AGBL4: variants seen among roughly 807,000 people sequenced by gnomAD.
AGBL4 encodes cytosolic carboxypeptidase 6.
In AGBL4, 58 loss-of-function variants were observed where a neutral mutation model predicts 66.4. The observed-to-expected ratio is 0.87, with a 90% confidence interval of 0.71 to 1.09. The LOEUF is 1.09. AGBL4 is among the 50% of genes least tolerant of loss of function. The pLI is 0.00. For synonymous variants in AGBL4, 234 were observed against 222.9 expected, an observed-to-expected ratio of 1.05 and a Z score of -0.44; for missense variants, 579 against 631.0, an observed-to-expected ratio of 0.92 and a Z score of 0.88.
chr1:48,861,942 T>A (rs998580971), intron 6 of AGBL4, among the ~76,000 whole-genome samples: 1 of 152,200 alleles, frequency 6.6e-6, no homozygotes, highest in African/African-American at 2.4e-5. Flanking sequence ...CTCATTTCCC[T>A]GGTTTCCTAC....
intron 3 of AGBL4, among the ~76,000 whole-genome samples, chr1:49,319,938 AT>A (rs529561561): frequency 6.6e-6 from 1 of 151,696 alleles, no homozygotes; most frequent in African/African-American, 2.4e-5. Context: ...CTTTCTTTCT[AT>A]TTTTTTTAAG....
chr1:49,939,665 A>G (rs1047930887), intron 1 of AGBL4, among the ~76,000 whole-genome samples: 1 of 152,206 alleles, frequency 6.6e-6, no homozygotes, highest in Non-Finnish European at 1.5e-5. Context: ...GAAAGCTGAA[A>G]TTGGATCCCT....
intron 2 of AGBL4, among the ~76,000 whole-genome samples, chr1:49,761,131 G>GTTTT (rs559439979): frequency 7.3e-6 from 1 of 136,154 alleles, no homozygotes; most frequent in African/African-American, 2.7e-5. Flanking sequence ...CATGCATCCC[G>GTTTT]TTTTTTTTTT....
At chr1:49,162,192 C>G (rs1010537061) in intron 4 of AGBL4, among the ~76,000 whole-genome samples, 1 of 152,050 alleles carries the variant, frequency 6.6e-6, no homozygotes, top group African/African-American at 2.4e-5. Flanking sequence ...TCATAACATA[C>G]TATAATAATA....
chr1:48,965,352 G>A (rs75843987), intron 5 of AGBL4, among the ~76,000 whole-genome samples: 2,448 of 152,194 alleles, frequency 0.016, 63 homozygotes, highest in African/African-American at 0.053. Flanking sequence ...GAGGGATGAG[G>A]ATAAGCTTGA....
chr1:49,560,252 C>G (rs916388837), intron 3 of AGBL4, among the ~76,000 whole-genome samples: 2 of 152,002 alleles, frequency 1.3e-5, no homozygotes, highest in African/African-American at 2.4e-5. Context: ...ATCAGAATTT[C>G]ATCAGATAAA....
chr1:49,875,268 C>T (rs1202524456), intron 1 of AGBL4, among the ~76,000 whole-genome samples: 1 of 146,906 alleles, frequency 6.8e-6, no homozygotes, highest in African/African-American at 2.5e-5. Flanking sequence ...AACTCGTCAT[C>T]TAGCATTAGG....
At chr1:49,743,589 A>G (rs1324050936) in intron 2 of AGBL4, among the ~76,000 whole-genome samples, 2 of 152,152 alleles carry the variant, frequency 1.3e-5, no homozygotes, top group Non-Finnish European at 2.9e-5. Flanking sequence ...TGCCGCTATA[A>G]AGACACATGC....
intron 3 of AGBL4, among the ~76,000 whole-genome samples, chr1:49,322,045 A>C (rs993020221): frequency 1.3e-5 from 2 of 152,238 alleles, no homozygotes; most frequent in African/African-American, 4.8e-5. Flanking sequence ...ACCCAGGTTA[A>C]TCCTGGTTAT....
chr1:48,932,559 C>T (rs1038796106), intron 5 of AGBL4, among the ~76,000 whole-genome samples: 5 of 152,110 alleles, frequency 3.3e-5, no homozygotes, highest in African/African-American at 1.2e-4. Context: ...GGCATTGTTT[C>T]CTGCAATTAC....
At position 49,122,510 on chromosome 1, in the gene AGBL4, T is replaced by TA. The variant is rs1645678569; in HGVS notation, c.378-76711dup. Among the ~76,000 whole-genome samples, 10 of 152,334 alleles carry TA rather than the reference T, an allele frequency of 6.6e-5. No homozygotes were observed. The South Asian group carries it at 1.9e-3, about 28-fold the overall frequency. On this transcript the variant is annotated intron_variant, in intron 4 of 13. Coordinates refer to ENST00000371839, the MANE Select transcript of AGBL4 (RefSeq NM_032785.4). ...AAATATTCCAATCACATTAATCTTG[T>TA]ACTGATTAACAACAATTTAGGTTTG...
At chr1:49,009,331 G>T (rs1662170281) in intron 5 of AGBL4, among the ~76,000 whole-genome samples, 1 of 152,050 alleles carries the variant, frequency 6.6e-6, no homozygotes. Context: ...AAACCAGGAA[G>T]AAGTTGAATC....
intron 3 of AGBL4, among the ~76,000 whole-genome samples, chr1:49,599,637 T>C (rs1360930787): frequency 6.6e-6 from 1 of 152,222 alleles, no homozygotes; most frequent in African/African-American, 2.4e-5. Context: ...ATCTTACTTA[T>C]TTCTTGTCTT....
chr1:48,984,283 C>T (rs1231885549), intron 5 of AGBL4, among the ~76,000 whole-genome samples: 7 of 151,608 alleles, frequency 4.6e-5, no homozygotes, highest in African/African-American at 1.7e-4. Context: ...GGGAAAGTAC[C>T]TTGTCCATGG....
intron 3 of AGBL4, among the ~76,000 whole-genome samples, chr1:49,400,967 A>G (rs1185346724): frequency 6.6e-6 from 1 of 152,006 alleles, no homozygotes; most frequent in Admixed American, 6.6e-5. Context: ...GGGTTTTACT[A>G]TGTTGATGTA....
At chr1:48,786,630 T>G (rs532116453) in intron 6 of AGBL4, among the ~76,000 whole-genome samples, 1 of 152,320 alleles carries the variant, frequency 6.6e-6, no homozygotes, top group Non-Finnish European at 1.5e-5. Context: ...TTGACTACAT[T>G]ATCTGTGGTT....
At chr1:48,811,021 C>T (rs1646036572) in intron 6 of AGBL4, among the ~76,000 whole-genome samples, 1 of 152,180 alleles carries the variant, frequency 6.6e-6, no homozygotes, top group African/African-American at 2.4e-5. Flanking sequence ...TCCTCCCTCC[C>T]TTTTTCCCCC....
At chr1:49,595,586 G>T (rs1644837236) in intron 3 of AGBL4, among the ~76,000 whole-genome samples, 1 of 151,602 alleles carries the variant, frequency 6.6e-6, no homozygotes, top group Non-Finnish European at 1.5e-5. Flanking sequence ...ATTGAGATTT[G>T]CAGAAGGGAA....
At chr1:49,270,574 C>T (rs1339372043) in intron 3 of AGBL4, among the ~76,000 whole-genome samples, 1 of 152,114 alleles carries the variant, frequency 6.6e-6, no homozygotes, top group Non-Finnish European at 1.5e-5. Flanking sequence ...TACATAAACA[C>T]CAACCTCAAC....
Sources: gnomAD v4.1 joint callset for allele counts (sites outside exome capture counted in the v4.1 genomes callset) on GRCh38, gnomAD v4.1.1 for gene constraint, MANE v1.5 for transcripts, NCBI Gene and HGNC (gene_info 2026-07-23, HGNC 2026-07-21) for gene names.